ATP10B: variants seen among roughly 807,000 people sequenced by gnomAD.
The protein encoded by ATP10B is phospholipid-transporting ATPase VB.
In ATP10B, 122 loss-of-function variants were observed where a neutral mutation model predicts 141.2. The observed-to-expected ratio is 0.86, with a 90% confidence interval of 0.75 to 1.00. The LOEUF (loss-of-function observed/expected upper bound fraction) is 1.00, where lower values mean the gene tolerates loss of function less well. Ranked by LOEUF, ATP10B falls within the 50% of genes least tolerant of loss-of-function variation. ATP10B has a pLI of 0.00. For missense variants in ATP10B, 1,876 were observed against 1,825.3 expected, an observed-to-expected ratio of 1.03 and a Z score of -0.51; for synonymous variants, 685 against 692.0, an observed-to-expected ratio of 0.99 and a Z score of 0.16.
At chr5:160,842,755 T>C (rs1775883723) in intron 1 of ATP10B, among the ~76,000 whole-genome samples, 1 of 151,792 alleles carries the variant, frequency 6.6e-6, no homozygotes, top group Non-Finnish European at 1.5e-5. Context: ...AAACAGAAAA[T>C]CTGAATCATC....
chr5:160,874,268 G>GA, the ATP10B span, among the ~76,000 whole-genome samples: 1 of 11,406 alleles, frequency 8.8e-5, no homozygotes, highest in Non-Finnish European at 4.6e-4. Context: ...CCCCCCAGGA[G>GA]GGTACACTGA....
At chr5:160,839,377 A>T (rs1045975636) in intron 1 of ATP10B, among the ~76,000 whole-genome samples, 2 of 152,184 alleles carry the variant, frequency 1.3e-5, no homozygotes, top group Non-Finnish European at 2.9e-5. Context: ...AAACTATGTT[A>T]TGAAAAGTCT....
chr5:160,671,154 G>A (rs1199476957), intron 6 of ATP10B, among the ~76,000 whole-genome samples: 1 of 90,588 alleles, frequency 1.1e-5, no homozygotes, highest in African/African-American at 4.6e-5. Context: ...GACAAAGCAA[G>A]ACTCTGTCTC....
intron 10 of ATP10B, among the ~76,000 whole-genome samples, chr5:160,637,017 T>TATCCATCCATCCATCCATGA (rs1554098768): frequency 0.16 from 9,576 of 58,930 alleles, 1,483 homozygotes; most frequent in Non-Finnish European, 0.22. Flanking sequence ...TCCATCCATC[T>TATCCATCCATCCATCCATGA]ATCCATCCAT....
In ATP10B at chr5:160,565,356, G is replaced by A; in HGVS notation, c.*97C>T. On this transcript the variant is annotated 3_prime_UTR_variant, in exon 26 of 26. Coordinates refer to ENST00000327245, the MANE Select transcript of ATP10B (RefSeq NM_025153.3). ...GGTTGTTGAAGAAAAGAATAAGACT[G>A]GCACATTGTTTCCTCTATGAAGAAG... 1 of 1,239,064 alleles carries A rather than the reference G, an allele frequency of 8.1e-7. No homozygotes were observed. The highest frequency in any genetic ancestry group is 1.1e-6 in the Non-Finnish European group (1 of 870,708). The allele number at this position is 1,239,064 out of a possible 1,614,324, so 76.8% of individuals were successfully genotyped here. A position where few individuals can be genotyped will look rare whatever the true frequency, so the allele number is the denominator to read the frequency against.
chr5:160,868,408 A>T, the ATP10B span, among the ~76,000 whole-genome samples: 1 of 152,068 alleles, frequency 6.6e-6, no homozygotes, highest in Admixed American at 6.6e-5. Flanking sequence ...TGCCACATAC[A>T]TTGAACATTT....
At chr5:160,689,805 C>A (rs1763965273) in intron 3 of ATP10B, among the ~76,000 whole-genome samples, 1 of 152,124 alleles carries the variant, frequency 6.6e-6, no homozygotes, top group African/African-American at 2.4e-5. Flanking sequence ...AGATTCAATG[C>A]TATACCCATC....
intron 7 of ATP10B, among the ~76,000 whole-genome samples, chr5:160,652,916 TATATA>T (rs1434010199): frequency 3.7e-4 from 27 of 72,070 alleles, no homozygotes; most frequent in African/African-American, 1.2e-3. Context: ...TATACATGTA[TATATA>T]ATATATTATA....
rs544577770 is a variant in ATP10B at position 160,840,834 on chromosome 5, G to T, written c.-576+11107C>A. ...ATAAAATAATATAAGCATGGGCCTT[G>T]AACATATGAAAAGCTATTTAAGTTA... On this transcript the variant is annotated intron_variant, in intron 1 of 25. Transcript: ENST00000327245. Among the ~76,000 whole-genome samples the T allele has an allele frequency of 5.9e-5, 9 of 152,224 alleles. No individual in the cohort carries two copies. In the South Asian group the frequency reaches 1.9e-3, roughly 32 times the overall value.
intron 1 of ATP10B, among the ~76,000 whole-genome samples, chr5:160,831,547 A>G (rs1180081959): frequency 6.6e-6 from 1 of 152,108 alleles, no homozygotes; most frequent in Non-Finnish European, 1.5e-5. Flanking sequence ...TTCAGGCACT[A>G]AAAGCTGTAA....
intron 1 of ATP10B, among the ~76,000 whole-genome samples, chr5:160,806,527 C>T (rs4559039): frequency 4.6e-5 from 7 of 152,132 alleles, no homozygotes; most frequent in African/African-American, 7.2e-5. Flanking sequence ...TTCTTTTTAC[C>T]GCTGTTTGTC....
the ATP10B span, among the ~76,000 whole-genome samples, chr5:160,927,254 T>C: frequency 6.6e-6 from 1 of 152,206 alleles, no homozygotes. Context: ...GGTGGCTTGA[T>C]AAAGCAGGGT....
At chr5:160,900,212 A>G in the ATP10B span, among the ~76,000 whole-genome samples, 1 of 151,784 alleles carries the variant, frequency 6.6e-6, no homozygotes, top group Non-Finnish European at 1.5e-5. Flanking sequence ...AGACATCCCT[A>G]CCCCTTTGAT....
rs1217064071 is a variant in ATP10B at position 160,733,610 on chromosome 5, T to C, written c.-330-16576A>G. Among the ~76,000 whole-genome samples, 5 of 151,636 alleles carry C rather than the reference T, an allele frequency of 3.3e-5. No individual in the cohort carries two copies. In the East Asian group the frequency reaches 5.8e-4, roughly 18 times the overall value. ...GTTACATATATACGTTACATATATG[T>C]CACACATATATTACACATATATGTA... On this transcript the variant is annotated intron_variant, in intron 2 of 25. Transcript: ENST00000327245.
chr5:160,670,436 C>A lies in ATP10B; in HGVS notation c.675+27G>T, dbSNP rs567859794. On this transcript the variant is annotated intron_variant, in intron 7 of 25. Transcript: ENST00000327245. ...GCTTGCATCCTTTCTATGACTTTACCATTGAAGATATTAGAAAGAGCCCTA... is the reference window on the plus strand; with the variant it reads ...GCTTGCATCCTTTCTATGACTTTACAATTGAAGATATTAGAAAGAGCCCTA... 3.0e-5 allele frequency: 48 copies of A among 1,610,430 alleles called. No individual in the cohort carries two copies. In the East Asian group the frequency reaches 5.4e-4, roughly 18 times the overall value.
chr5:160,922,722 A>G, the ATP10B span, among the ~76,000 whole-genome samples: 110 of 152,364 alleles, frequency 7.2e-4, 3 homozygotes, highest in East Asian at 0.021. Flanking sequence ...ATACTGATTC[A>G]GTGAATATAT....
At chr5:160,803,873 A>G (rs1772578744) in intron 1 of ATP10B, among the ~76,000 whole-genome samples, 1 of 151,982 alleles carries the variant, frequency 6.6e-6, no homozygotes, top group Admixed American at 6.6e-5. Flanking sequence ...TTTAACTGGT[A>G]TTTATTGAGT....
In ATP10B at chr5:160,620,701, C is replaced by A; in HGVS notation, c.2062G>T (p.Gly688Cys). The change falls in exon 15 of 26, where the codon GGC becomes TGC. Residue 688 changes from glycine to cysteine, a missense_variant. Gly to Cys is a radical substitution (Grantham distance 159). Coordinates refer to ENST00000327245, the MANE Select transcript of ATP10B (RefSeq NM_025153.3). Reference protein sequence around the residue: ...GGYRSSMWDQGDILESGSGTS... With the variant: ...GGYRSSMWDQCDILESGSGTS... ...CCTGACCCAGACTCCAGGATGTCGC[C>A]CTGGTCCCACATGCTGCTCCTGTAG... The A allele has an allele frequency of 6.2e-7, 1 of 1,614,178 alleles. No individual in the cohort carries two copies. Among genetic ancestry groups the A allele is most frequent in the Non-Finnish European group, 8.5e-7 (1 of 1,180,006 alleles).
the ATP10B span, among the ~76,000 whole-genome samples, chr5:160,880,540 G>A: frequency 6.6e-6 from 1 of 152,114 alleles, no homozygotes; most frequent in African/African-American, 2.4e-5. Context: ...TTACTTTAAA[G>A]CTACAGTAAT....
Sources: allele counts gnomAD v4.1 joint callset (sites outside exome capture counted in the v4.1 genomes callset), GRCh38; gene constraint gnomAD v4.1.1; transcripts MANE v1.5; gene names NCBI Gene and HGNC (gene_info 2026-07-23, HGNC 2026-07-21).